The following ZNF521 variants were observed in gnomAD, a reference collection of about 807,000 sequenced individuals.
ZNF521 encodes zinc finger protein 521, also known as LYST-interacting protein 3.
Under a neutral mutation model 105.5 loss-of-function variants are expected in ZNF521, and 14 were observed. The observed-to-expected ratio is 0.13, with a 90% CI of 0.09 to 0.21. The LOEUF is 0.21. ZNF521 is among the 10% of genes least tolerant of loss of function. The pLI is 1.00. For missense variants in ZNF521, 1,233 were observed against 1,629.7 expected, an observed-to-expected ratio of 0.76 and a Z score of 4.19; for synonymous variants, 635 against 606.0, an observed-to-expected ratio of 1.05 and a Z score of -0.70.
At chr18:25,324,556 T>C (rs1204904198) in intron 2 of ZNF521, among the ~76,000 whole-genome samples, 1 of 152,188 alleles carries the variant, frequency 6.6e-6, no homozygotes, top group Non-Finnish European at 1.5e-5. Context: ...TGGAAGGCAG[T>C]ATGCACTCAT....
chr18:25,102,163 T>C (rs1430672729), intron 5 of ZNF521, among the ~76,000 whole-genome samples: 1 of 152,112 alleles, frequency 6.6e-6, no homozygotes, highest in Non-Finnish European at 1.5e-5. Flanking sequence ...ATAACACTCC[T>C]AATGCTCAGA....
intron 5 of ZNF521, among the ~76,000 whole-genome samples, chr18:25,178,792 G>T (rs1274568981): frequency 6.6e-6 from 1 of 152,130 alleles, no homozygotes; most frequent in Non-Finnish European, 1.5e-5. Context: ...TTGATGCAAT[G>T]ATAGCAAAGC....
Position 25,227,144 on chromosome 18 carries a change from C to T in ZNF521, c.774G>A (p.Pro258=), listed in dbSNP as rs775596822. The change falls in exon 4 of 8, where the codon CCG becomes CCA. Residue 258 remains proline, a synonymous_variant. Transcript: ENST00000361524. The surrounding 1 kb of genome is among the most constrained non-coding windows in gnomAD (Gnocchi z 5.7). ...CTGCAATGTGTTTTTGGAGGTCTTC[C>T]GGGAAGTCAAAGCCTTCCTCACACT... The part of the protein sequence containing the change: ...CSQCEEGFDF[P]EDLQKHIAEC... 20 of 1,613,984 alleles carry T rather than the reference C, an allele frequency of 1.2e-5. No individual in the cohort carries two copies. Among genetic ancestry groups the T allele is most frequent in the African/African-American group, 6.7e-5 (5 of 74,912 alleles).
intron 2 of ZNF521, among the ~76,000 whole-genome samples, chr18:25,344,356 CTAA>C (rs553432312): frequency 8.1e-4 from 123 of 152,252 alleles, no homozygotes; most frequent in Middle Eastern, 3.4e-3. Context: ...TTTAAATTTA[CTAA>C]TGTTAACTTT....
chr18:25,075,514 G>A (rs948458961), intron 7 of ZNF521, among the ~76,000 whole-genome samples: 5 of 152,140 alleles, frequency 3.3e-5, no homozygotes, highest in African/African-American at 1.2e-4. Flanking sequence ...ATTCAAAGCG[G>A]TTTGGCGAGC....
chr18:25,244,019 C>T (rs1253576696), intron 3 of ZNF521, among the ~76,000 whole-genome samples: 1 of 152,182 alleles, frequency 6.6e-6, no homozygotes, highest in Non-Finnish European at 1.5e-5. Flanking sequence ...ACCAAACTTA[C>T]ATGTGACACA....
chr18:25,098,466 C>A (rs2033899326), intron 5 of ZNF521, among the ~76,000 whole-genome samples: 1 of 151,500 alleles, frequency 6.6e-6, no homozygotes. Context: ...AAAAAAACTG[C>A]AAACACCAGT....
rs199707802 is a variant in ZNF521 at position 25,224,906 on chromosome 18, T to C, written c.3012A>G (p.Leu1004=). ...KMPLQSEEEF[L]EHCQMHPDLR... ...AGTCAGGGTGCATTTGGCAATGCTC[T>C]AAAAACTCCTCTTCACTCTGGAGAG... Residue 1004 remains leucine, a synonymous_variant, in exon 4 of 8, where the codon TTA becomes TTG. Coordinates refer to ENST00000361524, the MANE Select transcript of ZNF521 (RefSeq NM_015461.3). The C allele has an allele frequency of 6.0e-4, 967 of 1,613,856 alleles. No individual in the cohort carries two copies. Among genetic ancestry groups the C allele is most frequent in the Non-Finnish European group, 7.9e-4 (935 of 1,180,012 alleles).
chr18:25,276,604 A>G (rs868784572), intron 3 of ZNF521, among the ~76,000 whole-genome samples: 1 of 152,212 alleles, frequency 6.6e-6, no homozygotes, highest in Non-Finnish European at 1.5e-5. Flanking sequence ...ACAGTGGAGC[A>G]TAATGCATTA....
chr18:25,335,262 G>A (rs1913805811), intron 2 of ZNF521, among the ~76,000 whole-genome samples: 1 of 152,138 alleles, frequency 6.6e-6, no homozygotes. Context: ...TATAAATCAA[G>A]AGACTGAGAC....
intron 3 of ZNF521, among the ~76,000 whole-genome samples, chr18:25,267,653 T>TATA (rs1424870621): frequency 6.6e-6 from 1 of 152,118 alleles, no homozygotes; most frequent in African/African-American, 2.4e-5. Flanking sequence ...GGAGCGGACC[T>TATA]ATAGCAAACA....
chr18:25,345,995 TTGTG>T (rs543965740), intron 2 of ZNF521, among the ~76,000 whole-genome samples: 42 of 152,298 alleles, frequency 2.8e-4, no homozygotes, highest in African/African-American at 8.7e-4. Flanking sequence ...TCTCTCTAAT[TTGTG>T]TGTGTATGTA....
chr18:25,067,175 C>T (rs2033084446), intron 7 of ZNF521, among the ~76,000 whole-genome samples: 1 of 151,966 alleles, frequency 6.6e-6, no homozygotes, highest in African/African-American at 2.4e-5. Flanking sequence ...AGTTGTTTTA[C>T]ACGAGGGGGG....
chr18:25,079,394 CT>C (rs1177033414), intron 7 of ZNF521, among the ~76,000 whole-genome samples: 1 of 152,174 alleles, frequency 6.6e-6, no homozygotes, highest in Non-Finnish European at 1.5e-5. Context: ...GCAGCACAGC[CT>C]CGGCTCTCGG....
intron 4 of ZNF521, 103 bp downstream of exon 4, chr18:25,224,242 C>T: frequency 9.1e-7 from 1 of 1,097,154 alleles, no homozygotes; most frequent in Non-Finnish European, 1.3e-6. Context: ...ATCTAAGCAT[C>T]TTTTGGCCCA....
chr18:25,290,547 G>A (rs1910952294), intron 3 of ZNF521, among the ~76,000 whole-genome samples: 1 of 151,536 alleles, frequency 6.6e-6, no homozygotes, highest in Non-Finnish European at 1.5e-5. Flanking sequence ...TTTAACTAGA[G>A]AGCAATTTCT....
At chr18:25,278,689 T>C (rs1300571954) in intron 3 of ZNF521, among the ~76,000 whole-genome samples, 2 of 152,232 alleles carry the variant, frequency 1.3e-5, no homozygotes, top group Non-Finnish European at 2.9e-5. Flanking sequence ...AATTGCACTG[T>C]AATTTAAAGT....
intron 2 of ZNF521, among the ~76,000 whole-genome samples, chr18:25,323,334 C>T (rs997846397): frequency 1.2e-4 from 19 of 152,064 alleles, no homozygotes; most frequent in African/African-American, 3.6e-4. Context: ...CTAAGAAATA[C>T]GTAAGGCATT....
chr18:25,308,657 C>CCG (rs1912125279), intron 3 of ZNF521, among the ~76,000 whole-genome samples: 2 of 146,398 alleles, frequency 1.4e-5, no homozygotes, highest in African/African-American at 5.0e-5. Flanking sequence ...CATCCCCCCC[C>CCG]CCCCACCCGC....
Sources: allele counts gnomAD v4.1 joint callset (sites outside exome capture counted in the v4.1 genomes callset), GRCh38; gene constraint gnomAD v4.1.1; non-coding constraint Gnocchi (gnomAD v3.1); transcripts MANE v1.5; gene names NCBI Gene and HGNC (gene_info 2026-07-23, HGNC 2026-07-21).